Variants in ADCY1 observed in about 807,000 individuals in gnomAD.
ADCY1 encodes the protein adenylate cyclase type 1.
Under a neutral mutation model 105.4 loss-of-function variants are expected in ADCY1, and 28 were observed. That is an observed-to-expected ratio of 0.27 (90% CI 0.20 to 0.36). ADCY1 has a LOEUF of 0.36. ADCY1 is among the 10% of genes least tolerant of loss of function. The pLI is 1.00. For synonymous variants in ADCY1, 655 were observed against 623.8 expected (o/e 1.05, Z -0.75); for missense variants, 977 against 1,434.2 (o/e 0.68, Z 5.15).
chr7:45,625,346 A>AGAAT (rs767217501), intron 4 of ADCY1, among the ~76,000 whole-genome samples: 3 of 152,226 alleles, frequency 2.0e-5, no homozygotes, highest in Non-Finnish European at 2.9e-5. Flanking sequence ...TTTATCAAGA[A>AGAAT]GAATGCACAC....
intron 3 of ADCY1, among the ~76,000 whole-genome samples, chr7:45,612,934 G>A (rs955536731): frequency 1.3e-5 from 2 of 152,094 alleles, no homozygotes; most frequent in Admixed American, 6.5e-5. Context: ...AGAAAGGGTT[G>A]GTAAAGCACC....
Position 45,591,334 on chromosome 7 carries a change from C to T in ADCY1, c.640-1425C>T, listed in dbSNP as rs979154002. Among the ~76,000 whole-genome samples, 34 of 152,348 alleles carry T rather than the reference C, an allele frequency of 2.2e-4. No individual in the cohort carries two copies. The highest frequency in any genetic ancestry group is 7.9e-4 in the African/African-American group (33 of 41,574). Reference sequence around the variant, plus strand: ...CCTGCTGCCTGTAGCTTGGCCCGATCAGGGTGACACCCATCTGTCCCGTCT... The same window carrying T: ...CCTGCTGCCTGTAGCTTGGCCCGATTAGGGTGACACCCATCTGTCCCGTCT... On this transcript the variant is annotated intron_variant, in intron 1 of 19. Transcript: ENST00000297323. The surrounding 1 kb of genome is among the most constrained non-coding windows in gnomAD (Gnocchi z 4.1).
chr7:45,577,764 C>T (rs1282969911), intron 1 of ADCY1, among the ~76,000 whole-genome samples: 1 of 150,258 alleles, frequency 6.7e-6, no homozygotes, highest in East Asian at 2.0e-4. Context: ...TCTGAGATCT[C>T]CACAGTGATC....
intron 1 of ADCY1, among the ~76,000 whole-genome samples, chr7:45,581,662 C>G (rs1792547638): frequency 6.6e-6 from 1 of 152,122 alleles, no homozygotes; most frequent in Non-Finnish European, 1.5e-5. Context: ...CCACATAACC[C>G]CCTTGTGGAG....
intron 4 of ADCY1, among the ~76,000 whole-genome samples, chr7:45,646,158 A>G (rs113338635): frequency 0.028 from 4,246 of 152,162 alleles, 81 homozygotes; most frequent in African/African-American, 0.045. Flanking sequence ...GGCAGTGCCA[A>G]TGGGGACAGG....
chr7:45,696,839 T>C (rs973264011), intron 14 of ADCY1, among the ~76,000 whole-genome samples: 1 of 152,160 alleles, frequency 6.6e-6, no homozygotes, highest in African/African-American at 2.4e-5. Context: ...GTGCACAGGC[T>C]GCTGCTGCTA....
intron 8 of ADCY1, among the ~76,000 whole-genome samples, chr7:45,663,517 G>C (rs1021321266): frequency 6.6e-6 from 1 of 152,198 alleles, no homozygotes; most frequent in African/African-American, 2.4e-5. Context: ...AGCCAGGCGG[G>C]CGGGAGCTGT....
intron 3 of ADCY1, among the ~76,000 whole-genome samples, chr7:45,622,347 T>C (rs1404495779): frequency 4.6e-5 from 7 of 152,060 alleles, no homozygotes; most frequent in Non-Finnish European, 4.4e-5. Flanking sequence ...GCAGATGGGC[T>C]TTCCCTATGT....
intron 2 of ADCY1, among the ~76,000 whole-genome samples, chr7:45,601,955 A>G (rs1050635241): frequency 2.0e-5 from 3 of 152,094 alleles, no homozygotes; most frequent in Non-Finnish European, 4.4e-5. Context: ...CTGGCTGTAG[A>G]GATGCTCTCA....
intron 2 of ADCY1, among the ~76,000 whole-genome samples, chr7:45,600,015 T>C (rs7793137): frequency 0.42 from 64,563 of 152,154 alleles, 14,214 homozygotes; most frequent in East Asian, 0.69. Context: ...CACACTGGTC[T>C]TCTTGGTTCT....
intron 11 of ADCY1, among the ~76,000 whole-genome samples, chr7:45,680,117 G>A (rs1028680197): frequency 2.6e-5 from 4 of 152,208 alleles, no homozygotes; most frequent in African/African-American, 9.6e-5. Flanking sequence ...TCTGCACTGG[G>A]CACATGCACT....
intron 14 of ADCY1, among the ~76,000 whole-genome samples, chr7:45,702,294 C>G (rs1166559455): frequency 1.3e-5 from 2 of 152,198 alleles, no homozygotes; most frequent in East Asian, 3.9e-4. Context: ...AGTGTTCCCT[C>G]TAACAGTGGG....
At chr7:45,666,813 C>A (rs1413536990) in intron 8 of ADCY1, among the ~76,000 whole-genome samples, 1 of 152,108 alleles carries the variant, frequency 6.6e-6, no homozygotes, top group East Asian at 1.9e-4. Flanking sequence ...TTTTAATGAT[C>A]GCCATTCTAA....
At chr7:45,676,809 G>A (rs1349116104) in intron 8 of ADCY1, among the ~76,000 whole-genome samples, 1 of 150,572 alleles carries the variant, frequency 6.6e-6, no homozygotes, top group Non-Finnish European at 1.5e-5. Context: ...CATGGTCTTT[G>A]CTGGCCTGGG....
chr7:45,595,784 G>A (rs79321402), intron 2 of ADCY1, among the ~76,000 whole-genome samples: 10,784 of 152,282 alleles, frequency 0.071, 395 homozygotes, highest in African/African-American at 0.085. Context: ...GATTGAGGAC[G>A]TGCCTTCCCT....
At chr7:45,608,349 A>G (rs1354774609) in intron 2 of ADCY1, among the ~76,000 whole-genome samples, 1 of 152,240 alleles carries the variant, frequency 6.6e-6, no homozygotes. Flanking sequence ...AAGCTTCCAC[A>G]TGACCTTTCA....
chr7:45,613,313 C>G (rs188413682), intron 3 of ADCY1, among the ~76,000 whole-genome samples: 35 of 152,060 alleles, frequency 2.3e-4, no homozygotes, highest in Non-Finnish European at 2.9e-5. Flanking sequence ...TAGAAGGATT[C>G]AACAGAAGAC....
At chr7:45,579,505 A>G (rs1235984699) in intron 1 of ADCY1, among the ~76,000 whole-genome samples, 1 of 144,800 alleles carries the variant, frequency 6.9e-6, no homozygotes, top group African/African-American at 2.6e-5. Flanking sequence ...TTCCCCTCCC[A>G]CTGGCCCGCT....
At position 45,574,514 on chromosome 7, in the gene ADCY1, C is replaced by T; in HGVS notation, c.-30C>T. 3.1e-6 allele frequency: 3 copies of T among 974,350 alleles called. No individual in the cohort carries two copies. The highest frequency in any genetic ancestry group is 4.7e-5 in the South Asian group (1 of 21,118). 60.4% of individuals were successfully genotyped at this position (974,350 alleles called of 1,614,324 possible). A position where few individuals can be genotyped will look rare whatever the true frequency, so the allele number is the denominator to read the frequency against. On this transcript the variant is annotated 5_prime_UTR_variant, in exon 1 of 20. Coordinates refer to ENST00000297323, the MANE Select transcript of ADCY1 (RefSeq NM_021116.4). The surrounding 1 kb of genome is among the most constrained non-coding windows in gnomAD (Gnocchi z 7.0). ...CGCCCCGGGCCGGCGAGGGGCGCGC[C>T]CGCGGCCGCGGCCGCTGCATGGCGC...
Sources: gnomAD v4.1 joint callset for allele counts (sites outside exome capture counted in the v4.1 genomes callset) on GRCh38, gnomAD v4.1.1 for gene constraint, Gnocchi (gnomAD v3.1) non-coding constraint, MANE v1.5 for transcripts, NCBI Gene and HGNC (gene_info 2026-07-23, HGNC 2026-07-21) for gene names.